Variants in TBC1D31 observed in about 807,000 individuals in gnomAD.
The protein encoded by TBC1D31 is TBC1 domain family member 31, also known as WD repeat domain 67.
TBC1D31 carries 99 observed loss-of-function variants against 132.9 expected under a neutral mutation model. The observed-to-expected ratio is 0.74, with a 90% CI of 0.63 to 0.88. TBC1D31 has a LOEUF of 0.88. Among genes scored for constraint, TBC1D31 ranks in the 40% least tolerant of loss-of-function variants. TBC1D31 has a pLI of 0.00. For missense variants in TBC1D31, 1,134 were observed against 1,256.6 expected (o/e 0.90, Z 1.48); for synonymous variants, 385 against 419.4 (o/e 0.92, Z 1.00).
At chr8:123,073,842 C>A (rs1016456732) in intron 1 of TBC1D31, among the ~76,000 whole-genome samples, 1 of 149,914 alleles carries the variant, frequency 6.7e-6, no homozygotes, top group Non-Finnish European at 1.5e-5. Flanking sequence ...CGCGCCACTA[C>A]GCCCGGCTAA....
At chr8:123,141,980 C>T (rs556965145) in intron 18 of TBC1D31, among the ~76,000 whole-genome samples, 9 of 151,184 alleles carry the variant, frequency 6.0e-5, no homozygotes, top group Admixed American at 5.3e-4. Flanking sequence ...CCTGCCTCAG[C>T]CTCCTGAGTA....
rs1165336853 is a variant in TBC1D31 at position 123,129,074 on chromosome 8, T to G, written c.2126T>G (p.Val709Gly). ...ELDYLRERQT[V>G]EDMQAKVDQQ... ...AATATTACCTACTTAAGGCAGACAG[T>G]TGAAGATATGCAAGCTAAAGTCGAC... is the stretch of plus-strand genomic sequence containing the variant. The change falls in exon 15 of 22, where the codon GTT (valine) becomes GGT (glycine). Residue 709 changes from valine (V) to glycine (G), a missense_variant. Val to Gly is a moderately radical substitution (Grantham distance 109). Coordinates refer to ENST00000287380, the MANE Select transcript of TBC1D31 (RefSeq NM_145647.4). The G allele has an allele frequency of 6.3e-7, 1 of 1,588,522 alleles. No individual in the cohort carries two copies. Among genetic ancestry groups the G allele is most frequent in the Admixed American group, 1.7e-5 (1 of 58,016 alleles).
chr8:123,126,593 C>CCAA lies in TBC1D31; in HGVS notation c.1792_1794dup (p.Asn598dup). On this transcript the variant is annotated inframe_insertion, in exon 13 of 22. Transcript: ENST00000287380. ...CTGAAATTGTTCGATAATATCTTTT[C>CCAA]CAACCATCCTTCCTTCCTTCTGATG... 1 of 1,613,968 alleles carries CCAA rather than the reference C, an allele frequency of 6.2e-7. No homozygotes were observed. The highest frequency in any genetic ancestry group is 1.1e-5 in the South Asian group (1 of 91,060).
intron 20 of TBC1D31, among the ~76,000 whole-genome samples, chr8:123,147,608 C>T (rs1253845223): frequency 6.6e-6 from 1 of 152,208 alleles, no homozygotes; most frequent in Non-Finnish European, 1.5e-5. Flanking sequence ...TCCATGATGT[C>T]TTCCCTTCGT....
At chr8:123,150,175 C>A in intron 21 of TBC1D31, 47 bp downstream of exon 21, 1 of 1,492,328 alleles carries the variant, frequency 6.7e-7, no homozygotes, top group Non-Finnish European at 9.3e-7. Flanking sequence ...TTAAATTTCA[C>A]AATATTTAAG....
At chr8:123,096,166 T>C (rs7014347) in intron 5 of TBC1D31, among the ~76,000 whole-genome samples, 363 of 152,282 alleles carry the variant, frequency 2.4e-3, no homozygotes, top group African/African-American at 8.5e-3. Flanking sequence ...ATCATGTCAC[T>C]TTCCTATTTA....
intron 11 of TBC1D31, among the ~76,000 whole-genome samples, chr8:123,124,081 A>AG (rs1563730009): frequency 8.6e-5 from 13 of 151,516 alleles, no homozygotes; most frequent in Non-Finnish European, 8.8e-5. Context: ...AAAAAAAAAA[A>AG]AAGTTGCAAC....
intron 13 of TBC1D31, 89 bp downstream of exon 13, chr8:123,126,776 A>G (rs1474270212): frequency 9.6e-6 from 12 of 1,250,094 alleles, no homozygotes; most frequent in Non-Finnish European, 1.2e-5. Flanking sequence ...GAGTCTCGCT[A>G]TGTTGCCCAG....
At chr8:123,114,225 G>C (rs1403210943) in intron 10 of TBC1D31, among the ~76,000 whole-genome samples, 1 of 152,166 alleles carries the variant, frequency 6.6e-6, no homozygotes, top group Admixed American at 6.5e-5. Context: ...CAGGCGACAG[G>C]CTCATGGGGC....
downstream of TBC1D31, among the ~76,000 whole-genome samples, chr8:123,153,603 T>G (rs1203045388): frequency 6.6e-6 from 1 of 152,240 alleles, no homozygotes; most frequent in African/African-American, 2.4e-5. Context: ...CTCAGTCATA[T>G]GTGCTTGGTT....
At chr8:123,137,582 CT>C (rs775546653) in intron 17 of TBC1D31, among the ~76,000 whole-genome samples, 1 of 152,254 alleles carries the variant, frequency 6.6e-6, no homozygotes, top group African/African-American at 2.4e-5. Flanking sequence ...AGACTATTGC[CT>C]ACCAGGCAAG....
chr8:123,117,773 A>T (rs953963697), intron 10 of TBC1D31, among the ~76,000 whole-genome samples: 6 of 148,898 alleles, frequency 4.0e-5, no homozygotes, highest in Non-Finnish European at 5.9e-5. Flanking sequence ...AAAAAAAAAA[A>T]AAAAAAATTA....
intron 17 of TBC1D31, among the ~76,000 whole-genome samples, chr8:123,139,790 G>C (rs1821451072): frequency 6.6e-6 from 1 of 152,116 alleles, no homozygotes; most frequent in African/African-American, 2.4e-5. Flanking sequence ...TTTTTACTTA[G>C]CCTATTGGTT....
chr8:123,119,747 A>G (rs959944081), intron 10 of TBC1D31, among the ~76,000 whole-genome samples: 4 of 152,194 alleles, frequency 2.6e-5, no homozygotes, highest in Admixed American at 6.5e-5. Flanking sequence ...ATGAAGGTGT[A>G]TCGGTACGAA....
In TBC1D31 at chr8:123,109,519, T is replaced by A. The variant is rs143468472; in HGVS notation, c.1335T>A (p.Thr445=). 3.8e-4 allele frequency: 606 copies of A among 1,613,988 alleles called. 1 individual carries two copies. The African/African-American group carries it at 5.2e-3, about 14-fold the overall frequency. The change falls in exon 10 of 22, where the codon ACT becomes ACA. Residue 445 remains threonine (T), a synonymous_variant. Transcript: ENST00000287380. ...TGCTACAACTGCCTGAAAATCATACTGCGTTTAGTACCCTCATAGATAAGG... is the reference window on the plus strand; with the variant it reads ...TGCTACAACTGCCTGAAAATCATACAGCGTTTAGTACCCTCATAGATAAGG... ...RSLLQLPENH[T]AFSTLIDKGT... is the part of the protein sequence containing the mutation.
At chr8:123,142,533 T>C in intron 19 of TBC1D31, 77 bp downstream of exon 19, 1 of 1,218,516 alleles carries the variant, frequency 8.2e-7, no homozygotes, top group East Asian at 2.8e-5. Flanking sequence ...AGTCTCACTT[T>C]GTTGTACAGC....
intron 16 of TBC1D31, among the ~76,000 whole-genome samples, chr8:123,132,403 C>CTTTTTTTTTTTTTT (rs34901750): frequency 1.8e-5 from 1 of 55,442 alleles, no homozygotes; most frequent in East Asian, 5.2e-4. Flanking sequence ...TTTTTTAAGT[C>CTTTTTTTTTTTTTT]TTTTTTTTTT....
intron 11 of TBC1D31, among the ~76,000 whole-genome samples, chr8:123,122,307 G>A (rs925065863): frequency 6.6e-6 from 1 of 152,164 alleles, no homozygotes; most frequent in Non-Finnish European, 1.5e-5. Flanking sequence ...AGATTAATGG[G>A]TAAGCAAAGT....
At chr8:123,155,989 A>G (rs1456104687), downstream of TBC1D31, among the ~76,000 whole-genome samples, 3 of 152,322 alleles carry the variant, frequency 2.0e-5, no homozygotes, top group Middle Eastern at 3.4e-3. The surrounding 1 kb of genome is among the most constrained non-coding windows in gnomAD (Gnocchi z 4.1). Context: ...GTACCTGAAT[A>G]TATCATTGAA....
Sources: allele counts gnomAD v4.1 joint callset (sites outside exome capture counted in the v4.1 genomes callset), GRCh38; gene constraint gnomAD v4.1.1; non-coding constraint Gnocchi (gnomAD v3.1); transcripts MANE v1.5; gene names NCBI Gene and HGNC (gene_info 2026-07-23, HGNC 2026-07-21).